GORAB: variants seen among roughly 807,000 people sequenced by gnomAD.
GORAB encodes the protein golgin, RAB6 interacting, also known as RAB6-interacting golgin.
A neutral mutation model predicts 29.9 loss-of-function variants in GORAB; 17 were observed. The ratio of observed to expected loss-of-function variants is 0.57; its 90% CI spans 0.39 to 0.85. The LOEUF is 0.85. Ranked by LOEUF, GORAB falls within the 40% of genes least tolerant of loss-of-function variation. The probability of loss-of-function intolerance (pLI) is 0.00; values close to 1 mark genes in which losing one functional copy is unlikely to be tolerated. For missense variants in GORAB, 442 were observed against 437.8 expected (o/e 1.01, Z -0.09); for synonymous variants, 183 against 157.2 (o/e 1.16, Z -1.23).
At chr1:170,549,122 C>G (rs1169231382) in intron 4 of GORAB, among the ~76,000 whole-genome samples, 4 of 152,142 alleles carry the variant, frequency 2.6e-5, no homozygotes, top group African/African-American at 9.7e-5. Flanking sequence ...TTCTAGAATC[C>G]TTTAAAAATA....
At position 170,552,514 on chromosome 1, in the gene GORAB, G is replaced by A; in HGVS notation, c.*52G>A. 7.0e-7 allele frequency: 1 copy of A among 1,431,098 alleles called. No individual in the cohort carries two copies. The highest frequency in any genetic ancestry group is 1.2e-5 in the South Asian group (1 of 86,794). The allele number at this position is 1,431,098 out of a possible 1,614,324, so 88.6% of individuals were successfully genotyped here. On this transcript the variant is annotated 3_prime_UTR_variant, in exon 5 of 5. Coordinates refer to ENST00000367763, the MANE Select transcript of GORAB (RefSeq NM_152281.3). The stretch of plus-strand genomic sequence containing the variant: ...TGGTATTGAGTAAAGTATACTTTTT[G>A]CAGTAGATCATGCCCTGACCTCCAA...
Position 170,532,210 on chromosome 1 carries a change from G to C in GORAB, c.-14G>C, listed in dbSNP as rs191738560. ...AGATTTGGGCACTTTTGGGGGTGCC[G>C]GTGGCCCGGGCCGATGGCGCAAGGT... On this transcript the variant is annotated 5_prime_UTR_variant, in exon 1 of 5. Coordinates refer to ENST00000367763, the MANE Select transcript of GORAB (RefSeq NM_152281.3). 1.2e-6 allele frequency: 2 copies of C among 1,613,980 alleles called. No homozygotes were observed. Among genetic ancestry groups the C allele is most frequent in the African/African-American group, 2.7e-5 (2 of 75,034 alleles).
chr1:170,550,568 T>C (rs6693763), intron 4 of GORAB, among the ~76,000 whole-genome samples: 142,437 of 152,332 alleles, frequency 0.94, 67,302 homozygotes, highest in East Asian at 1. Context: ...TTGACCGAAA[T>C]GGGTACACAT....
rs1571262197 is a variant in GORAB at position 170,552,152 on chromosome 1, T to G, written c.800T>G (p.Leu267Trp). The change falls in exon 5 of 5, where the codon TTG becomes TGG. Residue 267 changes from leucine to tryptophan, a missense_variant. Transcript: ENST00000367763. ...AATGAGCTCCGAAAGGCCAAGAAGT[T>G]GGAGGAGTTGATGCAACAACTAGAT... ...QQNELRKAKKLEELMQQLDVE... is the reference protein window; with the variant it reads ...QQNELRKAKKWEELMQQLDVE... 6.2e-7 allele frequency: 1 copy of G among 1,613,988 alleles called. No individual in the cohort carries two copies. The highest frequency in any genetic ancestry group is 8.5e-7 in the Non-Finnish European group (1 of 1,179,970).
intron 3 of GORAB, among the ~76,000 whole-genome samples, chr1:170,544,315 A>G (rs954918639): frequency 6.6e-6 from 1 of 152,194 alleles, no homozygotes; most frequent in African/African-American, 2.4e-5. Flanking sequence ...AATGTCAGGT[A>G]AGTATCAGAC....
chr1:170,547,677 A>C (rs1031696488), intron 4 of GORAB, among the ~76,000 whole-genome samples: 2 of 152,214 alleles, frequency 1.3e-5, no homozygotes, highest in Non-Finnish European at 2.9e-5. Flanking sequence ...GGGATTGTGT[A>C]AAACAACTTT....
intron 4 of GORAB, among the ~76,000 whole-genome samples, chr1:170,549,301 C>G (rs78495995): frequency 0.011 from 1,603 of 152,248 alleles, 34 homozygotes; most frequent in African/African-American, 0.036. Context: ...GCTGGTAGTG[C>G]AGTTTGTGAA....
intron 1 of GORAB, 161 bp from the exon 2 acceptor site, chr1:170,539,049 C>CAG (rs1467134822): frequency 3.9e-6 from 3 of 770,848 alleles, no homozygotes; most frequent in Non-Finnish European, 6.3e-6. Context: ...TGAAACTCTA[C>CAG]AGGAAGATGG....
chr1:170,542,336 A>G (rs1315577049), intron 2 of GORAB, among the ~76,000 whole-genome samples, 155 bp from the exon 3 acceptor site: 1 of 152,206 alleles, frequency 6.6e-6, no homozygotes, highest in African/African-American at 2.4e-5. Context: ...TGAACTGCAG[A>G]TGGGTTTCTT....
chr1:170,534,085 T>C (rs904589204), intron 1 of GORAB, among the ~76,000 whole-genome samples: 7 of 152,130 alleles, frequency 4.6e-5, no homozygotes, highest in Admixed American at 4.6e-4. Flanking sequence ...AGGAACATAG[T>C]CAAGAAAGTT....
In GORAB at chr1:170,553,537, T is replaced by G. The variant is rs1188689665; in HGVS notation, c.*1075T>G. On this transcript the variant is annotated 3_prime_UTR_variant, in exon 5 of 5. Coordinates refer to ENST00000367763, the MANE Select transcript of GORAB (RefSeq NM_152281.3). ...GGACTTTTTTTTTTTAAAAAAAGAA[T>G]TATTATCAGAGAACATAAGCACAAG... 2 of 431,216 alleles carry G rather than the reference T, an allele frequency of 4.6e-6. No individual in the cohort carries two copies. The highest frequency in any genetic ancestry group is 2.7e-5 in the Admixed American group (1 of 36,436). 26.7% of individuals were successfully genotyped at this position (431,216 alleles called of 1,614,324 possible).
intron 4 of GORAB, among the ~76,000 whole-genome samples, chr1:170,551,621 G>A (rs1051441500): frequency 2.0e-5 from 3 of 152,052 alleles, no homozygotes; most frequent in African/African-American, 4.8e-5. Flanking sequence ...GTAATATCAC[G>A]TTGGTGGCTT....
chr1:170,538,510 C>G (rs1236212896), intron 1 of GORAB, among the ~76,000 whole-genome samples: 2 of 152,150 alleles, frequency 1.3e-5, no homozygotes, highest in African/African-American at 2.4e-5. Context: ...TTATTTATAA[C>G]TTTAAAGATA....
rs866209091 is a variant in GORAB, at chr1:170,552,841, G to A, written c.*379G>A. 9 of 453,958 alleles carry A rather than the reference G, an allele frequency of 2.0e-5. No homozygotes were observed. The highest frequency in any genetic ancestry group is 6.0e-5 in the African/African-American group (3 of 49,942). The allele number at this position is 453,958 out of a possible 1,614,324, so 28.1% of individuals were successfully genotyped here. On this transcript the variant is annotated 3_prime_UTR_variant, in exon 5 of 5. Coordinates refer to ENST00000367763, the MANE Select transcript of GORAB (RefSeq NM_152281.3). Reference sequence around the variant, plus strand: ...ACTCATTTCACTTCTCCTGGGAGACGTATTAAGACTGGAAGTCCTATTTTA... The same window carrying A: ...ACTCATTTCACTTCTCCTGGGAGACATATTAAGACTGGAAGTCCTATTTTA...
intron 2 of GORAB, among the ~76,000 whole-genome samples, 153 bp from the exon 3 acceptor site, chr1:170,542,338 G>A (rs551803529): frequency 6.6e-6 from 1 of 152,088 alleles, no homozygotes; most frequent in Non-Finnish European, 1.5e-5. Flanking sequence ...AACTGCAGAT[G>A]GGTTTCTTTT....
At chr1:170,535,764 C>T (rs1392983337) in intron 1 of GORAB, among the ~76,000 whole-genome samples, 7 of 151,816 alleles carry the variant, frequency 4.6e-5, no homozygotes, top group Non-Finnish European at 8.8e-5. Context: ...TGCTATTTTG[C>T]CTAGGTTGGT....
chr1:170,549,220 G>A (rs74694004), intron 4 of GORAB, among the ~76,000 whole-genome samples: 1,656 of 152,168 alleles, frequency 0.011, 35 homozygotes, highest in African/African-American at 0.037. Flanking sequence ...ACTGTGTTAT[G>A]TATAATGCTC....
chr1:170,540,177 T>A (rs1649326157), intron 2 of GORAB, among the ~76,000 whole-genome samples: 2 of 151,986 alleles, frequency 1.3e-5, no homozygotes, highest in Non-Finnish European at 2.9e-5. Flanking sequence ...TGTAGGAAAT[T>A]TAGGGGACTA....
rs1383431196 is a variant in GORAB at position 170,539,219 on chromosome 1, A to T, written c.71A>T (p.Glu24Val). ...ATTTTCTTTTACATAGATCCATTTGAACCACAGCGACGTCTCCCCGCGAAG... is the reference window on the plus strand; with the variant it reads ...ATTTTCTTTTACATAGATCCATTTGTACCACAGCGACGTCTCCCCGCGAAG... The part of the protein sequence containing the change: ...RRLKQTKDPF[E>V]PQRRLPAKKS... The change falls in exon 2 of 5, where the codon GAA (glutamate) becomes GTA (valine). Residue 24 changes from glutamate (E) to valine (V), a missense_variant. Transcript: ENST00000367763. 8 of 1,614,140 alleles carry T rather than the reference A, an allele frequency of 5.0e-6. No individual in the cohort carries two copies. In the East Asian group the frequency reaches 1.8e-4, roughly 36 times the overall value.
Sources: gnomAD v4.1 joint callset for allele counts (sites outside exome capture counted in the v4.1 genomes callset) on GRCh38, gnomAD v4.1.1 for gene constraint, MANE v1.5 for transcripts, NCBI Gene and HGNC (gene_info 2026-07-23, HGNC 2026-07-21) for gene names.